CCSER1: variants seen among roughly 807,000 people sequenced by gnomAD.
CCSER1 encodes serine-rich coiled-coil domain-containing protein 1.
CCSER1 carries 41 observed loss-of-function variants against 82.0 expected under a neutral mutation model. The ratio of observed to expected loss-of-function variants is 0.50; its 90% CI spans 0.39 to 0.65. The LOEUF (loss-of-function observed/expected upper bound fraction) is 0.65. Among genes scored for constraint, CCSER1 ranks in the 30% least tolerant of loss-of-function variants. The probability of loss-of-function intolerance (pLI) is 0.00; values close to 1 mark genes in which losing one functional copy is unlikely to be tolerated. For missense variants in CCSER1, 1,119 were observed against 1,064.2 expected (o/e 1.05, Z -0.72); for synonymous variants, 414 against 383.9 (o/e 1.08, Z -0.92).
intron 5 of CCSER1, among the ~76,000 whole-genome samples, chr4:90,489,190 A>G (rs189336798): frequency 5.3e-5 from 8 of 152,294 alleles, no homozygotes; most frequent in Admixed American, 3.3e-4. Flanking sequence ...ATGTTTCAGT[A>G]TATCCTACAG....
At chr4:90,667,742 T>C (rs1181454600) in intron 6 of CCSER1, among the ~76,000 whole-genome samples, 2 of 152,186 alleles carry the variant, frequency 1.3e-5, no homozygotes, top group African/African-American at 2.4e-5. Context: ...CAGTCTATCA[T>C]TGATGGGCAT....
intron 10 of CCSER1, among the ~76,000 whole-genome samples, chr4:91,218,316 G>GCCGCACGCAGCC (rs1339006550): frequency 4.6e-5 from 7 of 152,316 alleles, no homozygotes; most frequent in African/African-American, 1.7e-4. Context: ...GCCCGCAAGG[G>GCCGCACGCAGCC]CCGCACGCAG....
rs555347217 is a variant in CCSER1, at chr4:90,993,873, A to T, written c.2172+70426A>T. On this transcript the variant is annotated intron_variant, in intron 9 of 10. Transcript: ENST00000509176. ...AACAGTCACTAACATACATTACAAT[A>T]TTTGGCATATAGTAGGTATTTAATA... 2.6e-4 allele frequency among the ~76,000 whole-genome samples: 39 copies of T among 152,252 alleles called. No individual in the cohort carries two copies. In the South Asian group the frequency reaches 7.7e-3, roughly 30 times the overall value.
intron 5 of CCSER1, among the ~76,000 whole-genome samples, chr4:90,469,410 G>C (rs543555330): frequency 6.6e-6 from 1 of 152,002 alleles, no homozygotes; most frequent in South Asian, 2.1e-4. Context: ...TAATTTAACT[G>C]CTCTTCATAT....
chr4:91,279,783 G>T (rs1209683078), intron 10 of CCSER1, among the ~76,000 whole-genome samples: 2 of 152,008 alleles, frequency 1.3e-5, no homozygotes, highest in African/African-American at 4.8e-5. Flanking sequence ...GAATGATTGT[G>T]TTTTTTGGGA....
At chr4:90,449,903 G>A (rs1473670442) in intron 4 of CCSER1, among the ~76,000 whole-genome samples, 2 of 152,172 alleles carry the variant, frequency 1.3e-5, no homozygotes, top group Non-Finnish European at 2.9e-5. Context: ...AAGGGGTGGG[G>A]CTTTTGCCTG....
At chr4:90,139,569 A>G (rs542080988) in intron 1 of CCSER1, among the ~76,000 whole-genome samples, 1 of 152,326 alleles carries the variant, frequency 6.6e-6, no homozygotes, top group Admixed American at 6.5e-5. Flanking sequence ...GTAGAAAAAG[A>G]AAAGCTGTAT....
At chr4:91,513,167 T>C (rs2110120289) in intron 10 of CCSER1, among the ~76,000 whole-genome samples, 1 of 152,302 alleles carries the variant, frequency 6.6e-6, no homozygotes, top group East Asian at 1.9e-4. Context: ...CTTTAGGGTT[T>C]TTATCATGGA....
chr4:90,382,132 T>C (rs1749299208), intron 3 of CCSER1, among the ~76,000 whole-genome samples: 1 of 152,100 alleles, frequency 6.6e-6, no homozygotes, highest in African/African-American at 2.4e-5. Context: ...TGGGATAAAT[T>C]CATCTGAAAA....
At chr4:90,755,131 A>G (rs1749289148) in intron 7 of CCSER1, among the ~76,000 whole-genome samples, 1 of 152,168 alleles carries the variant, frequency 6.6e-6, no homozygotes, top group Middle Eastern at 3.2e-3. Flanking sequence ...CTTATGTCAC[A>G]CTGGCCAAAC....
At chr4:90,573,325 G>T (rs1408839328) in intron 5 of CCSER1, among the ~76,000 whole-genome samples, 2 of 152,208 alleles carry the variant, frequency 1.3e-5, no homozygotes, top group African/African-American at 4.8e-5. Context: ...GCTGGGTCAG[G>T]TCTGATGACT....
chr4:90,595,607 A>G (rs1366629165), intron 5 of CCSER1, among the ~76,000 whole-genome samples: 2 of 151,934 alleles, frequency 1.3e-5, no homozygotes, highest in Non-Finnish European at 2.9e-5. Flanking sequence ...CAAAATGTGA[A>G]CAACGTGGTG....
chr4:90,816,204 A>G lies in CCSER1; in HGVS notation c.2094+359A>G, dbSNP rs568669644. On this transcript the variant is annotated intron_variant, in intron 8 of 10. Coordinates refer to ENST00000509176, the MANE Select transcript of CCSER1 (RefSeq NM_001145065.2). ...ATACCTAAAGATACAGATCTATAAT[A>G]TAAAGCAAAATACTTGATCTAGCAA... is the stretch of plus-strand genomic sequence containing the variant. Among the ~76,000 whole-genome samples the G allele has an allele frequency of 2.6e-5, 4 of 152,336 alleles. No homozygotes were observed. The South Asian group carries it at 6.2e-4, about 24-fold the overall frequency.
chr4:91,391,515 G>T (rs1001110749), intron 10 of CCSER1, among the ~76,000 whole-genome samples: 5 of 151,928 alleles, frequency 3.3e-5, no homozygotes, highest in African/African-American at 1.2e-4. Flanking sequence ...TGCCCAGGCT[G>T]GTCTTGAATT....
chr4:90,599,341 G>A (rs1783763547), intron 5 of CCSER1, among the ~76,000 whole-genome samples: 1 of 152,008 alleles, frequency 6.6e-6, no homozygotes, highest in Non-Finnish European at 1.5e-5. Flanking sequence ...AAAAGTGTTT[G>A]GCAATCCCCT....
At position 90,923,604 on chromosome 4, in the gene CCSER1, T is replaced by C. The variant is rs1379591466; in HGVS notation, c.2172+157T>C. 6 of 539,092 alleles carry C rather than the reference T, an allele frequency of 1.1e-5. No homozygotes were observed. The East Asian group carries it at 1.5e-4, about 13-fold the overall frequency. 33.4% of individuals were successfully genotyped at this position (539,092 alleles called of 1,614,324 possible). On this transcript the variant is annotated intron_variant, in intron 9 of 10. Transcript: ENST00000509176. ...TCTTAAACAATCCCCAAATACCTCC[T>C]GGAACTAAAAAAGATGATTACAGGC...
chr4:91,369,272 C>G (rs973260210), intron 10 of CCSER1, among the ~76,000 whole-genome samples: 1 of 152,126 alleles, frequency 6.6e-6, no homozygotes. Flanking sequence ...TCAGCCTCGG[C>G]GATGAAACAA....
intron 5 of CCSER1, among the ~76,000 whole-genome samples, chr4:90,547,574 A>G (rs886172377): frequency 7.2e-5 from 11 of 152,128 alleles, no homozygotes; most frequent in Admixed American, 5.9e-4. Context: ...GGAGAAAAAA[A>G]TGAAAACATA....
At chr4:91,190,043 A>G (rs1251563835) in intron 10 of CCSER1, among the ~76,000 whole-genome samples, 1 of 152,132 alleles carries the variant, frequency 6.6e-6, no homozygotes, top group Non-Finnish European at 1.5e-5. Flanking sequence ...CTTTGGCACC[A>G]CTGTTGAAAT....
Sources: gnomAD v4.1 joint callset for allele counts (sites outside exome capture counted in the v4.1 genomes callset) on GRCh38, gnomAD v4.1.1 for gene constraint, MANE v1.5 for transcripts, NCBI Gene and HGNC (gene_info 2026-07-23, HGNC 2026-07-21) for gene names.